Variants in C19orf47 observed in about 807,000 individuals in gnomAD.
C19orf47 encodes the protein chromosome 19 open reading frame 47.
Under a neutral mutation model 32.3 loss-of-function variants are expected in C19orf47, and 18 were observed. That is an observed-to-expected ratio of 0.56 (90% CI 0.39 to 0.83). The LOEUF (loss-of-function observed/expected upper bound fraction) is 0.83. C19orf47 is among the 40% of genes least tolerant of loss of function. C19orf47 has a pLI of 0.00. For synonymous variants in C19orf47, 202 were observed against 211.1 expected (o/e 0.96, Z 0.37); for missense variants, 484 against 531.6 (o/e 0.91, Z 0.88).
Position 40,326,087 on chromosome 19 carries a change from A to G in C19orf47, c.592+247T>C, listed in dbSNP as rs140746663. Reference sequence around the variant, plus strand: ...TCATTTTACAGCAGGCCATCACTCTATCGTTGCTCCTGCCCCTTGGGGAAG... The same window carrying G: ...TCATTTTACAGCAGGCCATCACTCTGTCGTTGCTCCTGCCCCTTGGGGAAG... On this transcript the variant is annotated intron_variant, in intron 7 of 8. Transcript: ENST00000683109. 4.8e-3 allele frequency among the ~76,000 whole-genome samples: 724 copies of G among 152,328 alleles called. 1 individual carries two copies. The highest frequency in any genetic ancestry group is 7.2e-3 in the Non-Finnish European group (493 of 68,032).
chr19:40,334,453 A>G (rs1229198973), intron 4 of C19orf47, among the ~76,000 whole-genome samples: 5 of 150,608 alleles, frequency 3.3e-5, no homozygotes, highest in Middle Eastern at 3.6e-3. Flanking sequence ...TGTCTCCAAA[A>G]TAGGTGAAAG....
chr19:40,348,134 C>T (rs1041505661), intron 1 of C19orf47, among the ~76,000 whole-genome samples, 190 bp downstream of exon 1: 5 of 152,224 alleles, frequency 3.3e-5, no homozygotes, highest in Non-Finnish European at 4.4e-5. Context: ...TGACTTCTCA[C>T]TCCCATTTAT....
downstream of C19orf47, among the ~76,000 whole-genome samples, chr19:40,317,603 A>G (rs1600155989): frequency 6.6e-6 from 1 of 152,238 alleles, no homozygotes; most frequent in African/African-American, 2.4e-5. Context: ...TCAGGTCACA[A>G]GGATGTGGCT....
At chr19:40,324,195 G>A (rs2077781699) in intron 7 of C19orf47, 119 bp from the exon 8 acceptor site, 1 of 958,902 alleles carries the variant, frequency 1.0e-6, no homozygotes, top group Admixed American at 1.8e-5. Flanking sequence ...GGGCCAGACT[G>A]TGCTGAGTTG....
At chr19:40,315,653 G>A (rs900905780), downstream of C19orf47, among the ~76,000 whole-genome samples, 2 of 152,078 alleles carry the variant, frequency 1.3e-5, no homozygotes, top group African/African-American at 2.4e-5. Context: ...GGTGGCGCAT[G>A]CCTGTAATCC....
rs749264866 is a variant in C19orf47 at position 40,321,956 on chromosome 19, C to T, written c.1084G>A (p.Glu362Lys). The part of the protein sequence containing the change: ...LVGPRGSSSS[E>K]GLGAQMDHAG... ...TGGTCCATCTGGGCACCAAGGCCCT[C>T]GCTGGAGCTGCTCCCCCGGGGCCCC... The change falls in exon 9 of 9, where the codon GAG (glutamate) becomes AAG (lysine). Residue 362 changes from glutamate (E) to lysine (K), a missense_variant. Physicochemically the swap from Glu to Lys is moderately conservative, Grantham distance 56. Around this residue, in one of 3 missense-constraint regions of C19orf47, gnomAD observed 51 missense variants for 74.5 expected, o/e 0.68. Coordinates refer to ENST00000683109, the MANE Select transcript of C19orf47 (RefSeq NM_001256441.2). The T allele has an allele frequency of 8.5e-5, 137 of 1,613,604 alleles. No homozygotes were observed. The highest frequency in any genetic ancestry group is 6.8e-4 in the Admixed American group (41 of 60,014).
chr19:40,293,071 T>A, the C19orf47 span, among the ~76,000 whole-genome samples: 11 of 152,166 alleles, frequency 7.2e-5, no homozygotes, highest in Admixed American at 5.9e-4. Flanking sequence ...GGATGCTATA[T>A]GATAAGCTTC....
At position 40,324,455 on chromosome 19, in the gene C19orf47, G is replaced by A. The variant is rs149697022; in HGVS notation, c.593-379C>T. 6.0e-4 allele frequency: 136 copies of A among 227,952 alleles called. No homozygotes were observed. In the Middle Eastern group the frequency reaches 0.01, roughly 17 times the overall value. The allele number at this position is 227,952 out of a possible 1,614,324, so 14.1% of individuals were successfully genotyped here. A position where few individuals can be genotyped will look rare whatever the true frequency, so the allele number is the denominator to read the frequency against. ...AATTATAACCTAATAGCCATCAATA[G>A]AATGGTTACTAAATTATGGTATATG... On this transcript the variant is annotated intron_variant, in intron 7 of 8. Coordinates refer to ENST00000683109, the MANE Select transcript of C19orf47 (RefSeq NM_001256441.2).
Position 40,336,184 on chromosome 19 carries a change from T to C in C19orf47, c.148A>G (p.Met50Val). The change falls in exon 4 of 9, where the codon ATG (methionine) becomes GTG (valine). Residue 50 changes from methionine (M) to valine (V), a missense_variant. Physicochemically the swap from Met to Val is conservative, Grantham distance 21 (BLOSUM62 1). This residue lies in a region of C19orf47 where 57 missense variants were observed against 86.9 expected (regional missense o/e 0.66). Coordinates refer to ENST00000683109, the MANE Select transcript of C19orf47 (RefSeq NM_001256441.2). ...SMLLDLNKEI[M>V]NELGVTVVGD... Reference sequence around the variant, plus strand: ...ACCACGGTCACGCCCAGCTCATTCATTATCTCCTTATTGAGATCCAGCAGC... The same window carrying C: ...ACCACGGTCACGCCCAGCTCATTCACTATCTCCTTATTGAGATCCAGCAGC... The C allele has an allele frequency of 6.2e-7, 1 of 1,614,204 alleles. No individual in the cohort carries two copies. The highest frequency in any genetic ancestry group is 1.1e-5 in the South Asian group (1 of 91,088).
chr19:40,336,422 A>G lies in C19orf47; in HGVS notation c.20-15T>C, dbSNP rs773507354. 1.6e-5 allele frequency: 25 copies of G among 1,605,792 alleles called. No homozygotes were observed. Among genetic ancestry groups the G allele is most frequent in the South Asian group, 3.3e-5 (3 of 90,286 alleles). On this transcript the variant is annotated splice_polypyrimidine_tract_variant and intron_variant, in intron 2 of 8. Transcript: ENST00000683109. ...CTCGGAAGTGGCTGTGGGGTTGGACAGGGCTCATTACTCACACTGTCCTCT... is the reference window on the plus strand; with the variant it reads ...CTCGGAAGTGGCTGTGGGGTTGGACGGGGCTCATTACTCACACTGTCCTCT...
intron 6 of C19orf47, among the ~76,000 whole-genome samples, chr19:40,327,296 G>T (rs948464207): frequency 1.3e-5 from 2 of 150,764 alleles, no homozygotes; most frequent in Non-Finnish European, 1.5e-5. Context: ...TTACAGGTGT[G>T]AGCCACCCCG....
intron 4 of C19orf47, 24 bp from the exon 5 acceptor site, chr19:40,333,953 G>C: frequency 6.5e-7 from 1 of 1,535,754 alleles, no homozygotes; most frequent in Non-Finnish European, 8.8e-7. Context: ...ACAGGCACCT[G>C]GGTCACCACA....
At chr19:40,326,207 C>T (rs2145534007) in intron 7 of C19orf47, 127 bp downstream of exon 7, 2 of 1,328,362 alleles carry the variant, frequency 1.5e-6, no homozygotes, top group Admixed American at 2.4e-5. Context: ...TCCCCTTGGC[C>T]TACGGCTCCT....
At chr19:40,337,323 C>T (rs199581352) in intron 2 of C19orf47, among the ~76,000 whole-genome samples, 17 of 68,036 alleles carry the variant, frequency 2.5e-4, no homozygotes, top group Admixed American at 1.8e-3. Flanking sequence ...ATTATTATTA[C>T]TATTACTCCC....
At chr19:40,329,634 C>T (rs748572736) in intron 5 of C19orf47, among the ~76,000 whole-genome samples, 25 of 152,156 alleles carry the variant, frequency 1.6e-4, no homozygotes, top group Admixed American at 6.6e-5. Flanking sequence ...CAGGACAGAT[C>T]CTTCCCTATC....
At chr19:40,324,165 C>T in intron 7 of C19orf47, 89 bp from the exon 8 acceptor site, 2 of 1,281,876 alleles carry the variant, frequency 1.6e-6, no homozygotes, top group East Asian at 2.3e-5. Flanking sequence ...GCCCAGACAC[C>T]AGTAGCTCTG....
At chr19:40,337,866 A>G (rs1400182590) in intron 2 of C19orf47, among the ~76,000 whole-genome samples, 5 of 152,108 alleles carry the variant, frequency 3.3e-5, no homozygotes, top group Admixed American at 2.6e-4. Flanking sequence ...GCCAGAGGAA[A>G]GGGGTACCAT....
At chr19:40,333,827 G>A in intron 5 of C19orf47, 24 bp downstream of exon 5, 1 of 1,517,646 alleles carries the variant, frequency 6.6e-7, no homozygotes. Flanking sequence ...TCAAGGAAAA[G>A]AGGCCTGAAT....
At chr19:40,300,089 T>C in the C19orf47 span, among the ~76,000 whole-genome samples, 9 of 152,198 alleles carry the variant, frequency 5.9e-5, no homozygotes, top group Admixed American at 2.0e-4. Flanking sequence ...ATGGGAAACA[T>C]TGTCAAATAA....
Sources: allele counts gnomAD v4.1 joint callset (sites outside exome capture counted in the v4.1 genomes callset), GRCh38; gene constraint gnomAD v4.1.1; regional missense constraint gnomAD v4.1.1; transcripts MANE v1.5; gene names NCBI Gene and HGNC (gene_info 2026-07-23, HGNC 2026-07-21).